The following NUP98 variants were observed in gnomAD, a reference collection of about 807,000 sequenced individuals.
NUP98 encodes the protein nucleoporin 98 and 96 precursor.
NUP98 carries 26 observed loss-of-function variants against 191.9 expected under a neutral mutation model. That is an observed-to-expected ratio of 0.14 (90% CI 0.10 to 0.19). The LOEUF (loss-of-function observed/expected upper bound fraction) is 0.19, where lower values mean the gene tolerates loss of function less well. Ranked by LOEUF, NUP98 falls within the 10% of genes least tolerant of loss-of-function variation. The pLI is 1.00. For missense variants in NUP98, 1,941 were observed against 2,178.8 expected, an observed-to-expected ratio of 0.89 and a Z score of 2.17; for synonymous variants, 808 against 778.4, an observed-to-expected ratio of 1.04 and a Z score of -0.63.
chr11:3,698,580 A>C (rs2134092871), intron 25 of NUP98, among the ~76,000 whole-genome samples: 1 of 152,034 alleles, frequency 6.6e-6, no homozygotes, highest in Middle Eastern at 3.4e-3. Flanking sequence ...TACAAAAATT[A>C]GCCAGGTGTG....
chr11:3,796,509 G>C (rs772164985), intron 1 of NUP98, among the ~76,000 whole-genome samples: 1 of 152,194 alleles, frequency 6.6e-6, no homozygotes, highest in Non-Finnish European at 1.5e-5. Flanking sequence ...CTAGGTTAGG[G>C]TACCACTAAC....
chr11:3,739,410 G>A (rs1054748772), intron 12 of NUP98, among the ~76,000 whole-genome samples: 2 of 152,038 alleles, frequency 1.3e-5, no homozygotes, highest in African/African-American at 4.8e-5. Context: ...CGCCACGCCC[G>A]GCTAATTTTT....
At chr11:3,683,558 G>T in intron 29 of NUP98, 117 bp from the exon 30 acceptor site, 2 of 941,212 alleles carry the variant, frequency 2.1e-6, no homozygotes, top group Non-Finnish European at 3.1e-6. Context: ...TTTTTTTTTT[G>T]ATGGAGTTTC....
At position 3,702,713 on chromosome 11, in the gene NUP98, G is replaced by C. The variant is rs748481326; in HGVS notation, c.3262C>G (p.Pro1088Ala). Residue 1088 changes from proline to alanine, a missense_variant, in exon 23 of 33, where the codon CCG becomes GCG. Pro to Ala is a conservative substitution (Grantham distance 27). Coordinates refer to ENST00000324932, the MANE Select transcript of NUP98 (RefSeq NM_016320.5). ...CTACGTGTACCCACTGTTTTCAACG[G>C]AACCTCAGGGGCTGGGCTGGGCATT... ...FTMPSPAPEV[P>A]LKTVGTRRQL... The C allele has an allele frequency of 1.9e-6, 3 of 1,614,198 alleles. No individual in the cohort carries two copies. In the South Asian group the frequency reaches 3.3e-5, roughly 18 times the overall value.
chr11:3,779,417 G>A (rs1048056108), intron 2 of NUP98, among the ~76,000 whole-genome samples, 160 bp from the exon 3 acceptor site: 3 of 152,012 alleles, frequency 2.0e-5, no homozygotes, highest in African/African-American at 4.8e-5. Context: ...CGAGGCGGGC[G>A]GATCACCTGA....
At chr11:3,709,802 C>G (rs865925384) in intron 20 of NUP98, among the ~76,000 whole-genome samples, 29 of 88,364 alleles carry the variant, frequency 3.3e-4, no homozygotes, top group Middle Eastern at 0.017. Context: ...GAGGTACACT[C>G]TGGGGACTGT....
At chr11:3,794,659 C>T (rs2134001378) in intron 1 of NUP98, among the ~76,000 whole-genome samples, 1 of 152,262 alleles carries the variant, frequency 6.6e-6, no homozygotes, top group South Asian at 2.1e-4. Context: ...CGCAGTTTCC[C>T]AGGCTGGAAA....
At chr11:3,796,967 G>T (rs1455290551) in intron 1 of NUP98, among the ~76,000 whole-genome samples, 1 of 152,194 alleles carries the variant, frequency 6.6e-6, no homozygotes, top group Non-Finnish European at 1.5e-5. Flanking sequence ...CTAATCCTCG[G>T]GGTGCCCACT....
In NUP98 at chr11:3,719,405, C is replaced by CTTA; in HGVS notation, c.2399+6_2399+7insTAA. ...TGATAATTTTCTGTATGTACATAAACTCTTACCTATTTAGCCCTTCACCCA... is the reference window on the plus strand; with the variant it reads ...TGATAATTTTCTGTATGTACATAAACTTATCTTACCTATTTAGCCCTTCACCCA... On this transcript the variant is annotated splice_region_variant and intron_variant, in intron 18 of 32. Transcript: ENST00000324932. 6.3e-7 allele frequency: 1 copy of CTTA among 1,580,964 alleles called. No individual in the cohort carries two copies. The highest frequency in any genetic ancestry group is 1.4e-5 in the African/African-American group (1 of 72,686).
chr11:3,726,808 C>CTGG (rs2079638290), intron 14 of NUP98, among the ~76,000 whole-genome samples: 1 of 150,570 alleles, frequency 6.6e-6, no homozygotes, highest in Admixed American at 6.6e-5. Context: ...TTGAGACAGG[C>CTGG]TGGAGTACAG....
intron 10 of NUP98, among the ~76,000 whole-genome samples, chr11:3,754,272 C>G (rs2080876649): frequency 6.6e-6 from 1 of 151,910 alleles, no homozygotes. Context: ...ACAAAATATA[C>G]AAAATTAGCC....
intron 21 of NUP98, among the ~76,000 whole-genome samples, chr11:3,705,869 G>A (rs1314394116): frequency 6.6e-6 from 1 of 151,670 alleles, no homozygotes; most frequent in Admixed American, 6.6e-5. Flanking sequence ...TGGGATTGGG[G>A]CCGGGCTCAG....
chr11:3,725,395 A>G (rs2079579274), intron 14 of NUP98, among the ~76,000 whole-genome samples, 176 bp from the exon 15 acceptor site: 1 of 152,230 alleles, frequency 6.6e-6, no homozygotes, highest in Non-Finnish European at 1.5e-5. Context: ...TAGCCAAAAC[A>G]CAAGGTGTCA....
At chr11:3,775,174 C>T (rs2081668362) in intron 5 of NUP98, among the ~76,000 whole-genome samples, 2 of 152,238 alleles carry the variant, frequency 1.3e-5, no homozygotes, top group African/African-American at 4.8e-5. Flanking sequence ...CTGTATTTTT[C>T]AGTGGGTACA....
intron 30 of NUP98, among the ~76,000 whole-genome samples, chr11:3,681,347 T>G (rs1426501375): frequency 1.3e-5 from 2 of 152,202 alleles, no homozygotes; most frequent in African/African-American, 4.8e-5. Flanking sequence ...GGCCTACAAA[T>G]ACATCTACAA....
Position 3,689,940 on chromosome 11 carries a change from ATTTT to A in NUP98, c.4454+1403_4454+1406del, listed in dbSNP as rs989043726. 5.3e-3 allele frequency among the ~76,000 whole-genome samples: 388 copies of A among 73,546 alleles called. 3 individuals carry two copies. The highest frequency in any genetic ancestry group is 0.022 in the African/African-American group (368 of 17,102). The allele number at this position is 73,546 out of a possible 152,430, so 48.2% of individuals were successfully genotyped here. A position where few individuals can be genotyped will look rare whatever the true frequency, so the allele number is the denominator to read the frequency against. ...GTGTGAGCCACCATGGCTGGCCTGC[ATTTT>A]TTTTTTTTTTTTTTTTTTTTTTTGA... is the stretch of plus-strand genomic sequence containing the variant. On this transcript the variant is annotated intron_variant, in intron 28 of 32. Coordinates refer to ENST00000324932, the MANE Select transcript of NUP98 (RefSeq NM_016320.5).
Position 3,676,210 on chromosome 11 carries a change from C to T in NUP98, c.5352G>A (p.Leu1784=). The T allele has an allele frequency of 6.2e-7, 1 of 1,614,154 alleles. No homozygotes were observed. Among genetic ancestry groups the T allele is most frequent in the Non-Finnish European group, 8.5e-7 (1 of 1,180,048 alleles). The change falls in exon 33 of 33, where the codon CTG becomes CTA. Residue 1784 remains leucine, a synonymous_variant. Transcript: ENST00000324932. ...PMPEDYAMDE[L]RSLTQSYLRE... Reference sequence around the variant, plus strand: ...GCAGATAGGACTGGGTAAGGCTGCGCAGTTCGTCCATGGCATAGTCCTCAG... The same window carrying T: ...GCAGATAGGACTGGGTAAGGCTGCGTAGTTCGTCCATGGCATAGTCCTCAG...
chr11:3,789,501 CTT>C (rs914589009), intron 1 of NUP98, among the ~76,000 whole-genome samples: 41 of 123,024 alleles, frequency 3.3e-4, no homozygotes, highest in Admixed American at 4.3e-4. Context: ...TTACCTATTT[CTT>C]TTTTTTTTTT....
chr11:3,688,824 T>TAC (rs1252891449), intron 28 of NUP98, among the ~76,000 whole-genome samples: 10 of 141,540 alleles, frequency 7.1e-5, no homozygotes, highest in African/African-American at 2.6e-4. Context: ...AATATACATA[T>TAC]ATATATATAT....
Sources: allele counts gnomAD v4.1 joint callset (sites outside exome capture counted in the v4.1 genomes callset), GRCh38; gene constraint gnomAD v4.1.1; transcripts MANE v1.5; gene names NCBI Gene and HGNC (gene_info 2026-07-23, HGNC 2026-07-21).